Variants in GPM6A observed in about 807,000 individuals in gnomAD.
GPM6A encodes neuronal membrane glycoprotein M6-a.
GPM6A carries 7 observed loss-of-function variants against 32.1 expected under a neutral mutation model. That is an observed-to-expected ratio of 0.22 (90% CI 0.12 to 0.41). The LOEUF is 0.41. Ranked by LOEUF, GPM6A falls within the 10% of genes least tolerant of loss-of-function variation. The probability of loss-of-function intolerance (pLI) is 1.00; values close to 1 mark genes in which losing one functional copy is unlikely to be tolerated. For synonymous variants in GPM6A, 130 were observed against 123.4 expected (o/e 1.05, Z -0.35); for missense variants, 235 against 347.2 (o/e 0.68, Z 2.57).
chr4:175,942,822 G>A (rs536950436), intron 1 of GPM6A, among the ~76,000 whole-genome samples: 206 of 152,204 alleles, frequency 1.4e-3, no homozygotes, highest in Middle Eastern at 3.4e-3. Context: ...GATGCCTCCA[G>A]CTTTGATCTT....
chr4:175,860,674 C>T (rs1736547760), intron 1 of GPM6A, among the ~76,000 whole-genome samples: 3 of 152,090 alleles, frequency 2.0e-5, no homozygotes, highest in East Asian at 1.9e-4. Flanking sequence ...TTAGTTACTT[C>T]GGTGACAAGC....
At chr4:175,663,218 T>C (rs561657995) in intron 3 of GPM6A, among the ~76,000 whole-genome samples, 1 of 152,320 alleles carries the variant, frequency 6.6e-6, no homozygotes, top group East Asian at 1.9e-4. Context: ...AGTTGAAAAC[T>C]GATGTCCACA....
In GPM6A at chr4:175,937,017, C is replaced by T. The variant is rs1400300483; in HGVS notation, c.-23+65292G>A. 2.0e-5 allele frequency among the ~76,000 whole-genome samples: 3 copies of T among 152,172 alleles called. No homozygotes were observed. In the East Asian group the frequency reaches 5.8e-4, roughly 29 times the overall value. On this transcript the variant is annotated intron_variant, in intron 1 of 7. Transcript: ENST00000280187. Reference sequence around the variant, plus strand: ...AAAACAAATGTAAATTATATCTTTTCCTCAGATACCTATAAATAAGATTGA... The same window carrying T: ...AAAACAAATGTAAATTATATCTTTTTCTCAGATACCTATAAATAAGATTGA...
Position 175,637,245 on chromosome 4 carries a change from TATATATAATATAAAATATA to T in GPM6A, c.685-2207_685-2189del, listed in dbSNP as rs1740712698. Among the ~76,000 whole-genome samples, 5 of 39,592 alleles carry T rather than the reference TATATATAATATAAAATATA, an allele frequency of 1.3e-4. 1 individual carries two copies. Among genetic ancestry groups the T allele is most frequent in the Middle Eastern group, 0.029 (2 of 70 alleles). The allele number at this position is 39,592 out of a possible 152,430, so 26.0% of individuals were successfully genotyped here. ...ATAATATAAAATATATATTATATAT[TATATATAATATAAAATATA>T]TATTATATATTATATATTATATAAA... On this transcript the variant is annotated intron_variant, in intron 6 of 6. Coordinates refer to ENST00000393658, the MANE Select transcript of GPM6A (RefSeq NM_201591.3).
chr4:175,865,684 G>C (rs564401153), intron 1 of GPM6A, among the ~76,000 whole-genome samples: 2 of 151,912 alleles, frequency 1.3e-5, no homozygotes, highest in Non-Finnish European at 2.9e-5. Context: ...ATTTTGTGAT[G>C]CTATTACAAT....
At chr4:175,756,456 G>T (rs1446586339) in intron 1 of GPM6A, among the ~76,000 whole-genome samples, 1 of 152,106 alleles carries the variant, frequency 6.6e-6, no homozygotes, top group Non-Finnish European at 1.5e-5. Context: ...GAAACAGTCT[G>T]GCTGGTTTCA....
At chr4:175,749,655 A>T (rs1732243546) in intron 1 of GPM6A, among the ~76,000 whole-genome samples, 6 of 152,098 alleles carry the variant, frequency 3.9e-5, no homozygotes. Context: ...TTATATCTTG[A>T]CCCCCATAAC....
chr4:175,685,936 T>C (rs1292504700), intron 2 of GPM6A, among the ~76,000 whole-genome samples: 1 of 151,162 alleles, frequency 6.6e-6, no homozygotes, highest in Non-Finnish European at 1.5e-5. Flanking sequence ...TGTGTGTGTG[T>C]GTGCACGCAC....
intron 1 of GPM6A, chr4:175,962,159 A>C: frequency 3.3e-6 from 3 of 900,858 alleles, no homozygotes; most frequent in Non-Finnish European, 5.6e-6. Flanking sequence ...TCAAGCATCA[A>C]CCCAAGGTGA....
At chr4:175,690,009 G>A (rs973028802) in intron 2 of GPM6A, among the ~76,000 whole-genome samples, 1 of 152,194 alleles carries the variant, frequency 6.6e-6, no homozygotes, top group Non-Finnish European at 1.5e-5. Context: ...GATTGCTCTT[G>A]TCCCCTGTTT....
intron 1 of GPM6A, among the ~76,000 whole-genome samples, chr4:175,741,609 C>T (rs1006608452): frequency 6.6e-6 from 1 of 152,088 alleles, no homozygotes; most frequent in African/African-American, 2.4e-5. Context: ...ATAGGTTCTA[C>T]ACACTACTTT....
intron 1 of GPM6A, among the ~76,000 whole-genome samples, chr4:175,856,624 A>C (rs1736425515): frequency 6.6e-6 from 1 of 152,208 alleles, no homozygotes; most frequent in African/African-American, 2.4e-5. Context: ...GCATCCAGGA[A>C]GAATCAGGTT....
chr4:175,787,049 GTGTT>G (rs1361461840), intron 1 of GPM6A: 7 of 332,048 alleles, frequency 2.1e-5, no homozygotes, highest in South Asian at 2.1e-4. Context: ...TATAATCTCG[GTGTT>G]TGTTTGTTTT....
chr4:175,882,014 A>T (rs1737295433), intron 1 of GPM6A, among the ~76,000 whole-genome samples: 1 of 152,002 alleles, frequency 6.6e-6, no homozygotes, highest in Admixed American at 6.6e-5. Context: ...ATAAAAATAA[A>T]TTTTAAAAAA....
At chr4:175,858,477 A>T (rs1461902314) in intron 1 of GPM6A, among the ~76,000 whole-genome samples, 1 of 151,816 alleles carries the variant, frequency 6.6e-6, no homozygotes, top group Non-Finnish European at 1.5e-5. Flanking sequence ...GGTTGCAGTG[A>T]TCTGAGACCA....
intron 4 of GPM6A, among the ~76,000 whole-genome samples, chr4:175,650,649 C>T (rs907500329): frequency 6.6e-6 from 1 of 152,134 alleles, no homozygotes; most frequent in African/African-American, 2.4e-5. Context: ...TGTAGTGGAT[C>T]ACACTACACG....
intron 1 of GPM6A, among the ~76,000 whole-genome samples, chr4:175,857,699 A>G (rs1736456781): frequency 6.6e-6 from 1 of 152,130 alleles, no homozygotes; most frequent in Admixed American, 6.5e-5. Context: ...TTTGGAATAA[A>G]AAGAAACTCT....
intron 1 of GPM6A, among the ~76,000 whole-genome samples, chr4:175,845,382 T>C (rs1402433479): frequency 2.6e-5 from 4 of 152,116 alleles, no homozygotes; most frequent in Non-Finnish European, 5.9e-5. Context: ...CTAGCATTGA[T>C]TTCGACGTTT....
At chr4:175,728,184 A>G (rs1731265288) in intron 1 of GPM6A, among the ~76,000 whole-genome samples, 1 of 152,136 alleles carries the variant, frequency 6.6e-6, no homozygotes, top group African/African-American at 2.4e-5. Flanking sequence ...AATATTAGAG[A>G]GAATGAAACA....
Sources: allele counts gnomAD v4.1 joint callset (sites outside exome capture counted in the v4.1 genomes callset), GRCh38; gene constraint gnomAD v4.1.1; transcripts MANE v1.5; gene names NCBI Gene and HGNC (gene_info 2026-07-23, HGNC 2026-07-21).